ACOXL: variants seen among roughly 807,000 people sequenced by gnomAD.
The protein encoded by ACOXL is acyl-CoA oxidase like, also known as acyl-coenzyme A oxidase-like protein.
In ACOXL, 70 loss-of-function variants were observed where a neutral mutation model predicts 71.9. That is an observed-to-expected ratio of 0.97 (90% CI 0.80 to 1.19). The LOEUF (loss-of-function observed/expected upper bound fraction) is 1.19, where lower values mean the gene tolerates loss of function less well. ACOXL is among the 50% of genes most tolerant of loss of function. The pLI is 0.00. For synonymous variants in ACOXL, 253 were observed against 281.6 expected (o/e 0.90, Z 1.02); for missense variants, 703 against 736.3 (o/e 0.95, Z 0.52).
chr2:110,821,935 G>A (rs764996472), intron 9 of ACOXL, among the ~76,000 whole-genome samples: 49 of 150,564 alleles, frequency 3.3e-4, no homozygotes, highest in Admixed American at 7.3e-4. Flanking sequence ...TTCTATCATT[G>A]TGTGTGTGTG....
At chr2:110,836,090 C>T (rs1690429519) in intron 9 of ACOXL, among the ~76,000 whole-genome samples, 1 of 152,166 alleles carries the variant, frequency 6.6e-6, no homozygotes, top group African/African-American at 2.4e-5. Flanking sequence ...TTGTAGAAGA[C>T]ATCCGTGGCA....
chr2:110,896,454 G>A (rs779356020), intron 10 of ACOXL, among the ~76,000 whole-genome samples: 13 of 152,052 alleles, frequency 8.5e-5, no homozygotes, highest in African/African-American at 2.9e-4. Context: ...ATTTAAAAAC[G>A]TAACTGAACT....
chr2:111,014,107 A>G (rs1156731379), intron 14 of ACOXL, among the ~76,000 whole-genome samples: 1 of 152,218 alleles, frequency 6.6e-6, no homozygotes, highest in Non-Finnish European at 1.5e-5. Context: ...CTACAAAAGA[A>G]CCTACAGCTA....
At chr2:110,996,111 A>G in intron 14 of ACOXL, 107 bp downstream of exon 14, 2 of 894,848 alleles carry the variant, frequency 2.2e-6, no homozygotes, top group Middle Eastern at 2.7e-4. Flanking sequence ...GCCTAATGAC[A>G]AGCTCCTGGA....
At chr2:110,897,617 A>G (rs888189811) in intron 10 of ACOXL, among the ~76,000 whole-genome samples, 2 of 152,162 alleles carry the variant, frequency 1.3e-5, no homozygotes, top group South Asian at 2.1e-4. Context: ...ACCTCCCAAC[A>G]CTGTTGCATT....
At chr2:110,826,989 T>A (rs112572757) in intron 9 of ACOXL, among the ~76,000 whole-genome samples, 33 of 152,288 alleles carry the variant, frequency 2.2e-4, no homozygotes, top group African/African-American at 7.7e-4. Flanking sequence ...GAACATGGGC[T>A]TTGGCGATGG....
chr2:110,943,160 A>G (rs2060947922), intron 12 of ACOXL, among the ~76,000 whole-genome samples: 1 of 107,170 alleles, frequency 9.3e-6, no homozygotes. Context: ...GAGAAAGAAA[A>G]AGAAAAAGGG....
chr2:110,874,460 A>C (rs1340364114), intron 10 of ACOXL, among the ~76,000 whole-genome samples: 1 of 152,164 alleles, frequency 6.6e-6, no homozygotes, highest in South Asian at 2.1e-4. Context: ...GTCCCTGGGA[A>C]GCGGAATGAG....
chr2:111,063,960 AAGC>A (rs1401804605), intron 16 of ACOXL, among the ~76,000 whole-genome samples: 3 of 152,232 alleles, frequency 2.0e-5, no homozygotes, highest in African/African-American at 7.2e-5. Context: ...GACGGAAGGA[AAGC>A]AGGCAGACAA....
intron 1 of ACOXL, among the ~76,000 whole-genome samples, chr2:110,740,199 A>G (rs1349764804): frequency 6.6e-6 from 1 of 152,266 alleles, no homozygotes. Flanking sequence ...CCGATGGGAC[A>G]GAGGTATCTG....
chr2:110,781,725 G>T (rs1450445585), intron 2 of ACOXL, among the ~76,000 whole-genome samples: 20 of 152,134 alleles, frequency 1.3e-4, no homozygotes, highest in Admixed American at 1.3e-3. Context: ...GAAGGTCAGG[G>T]CTGGTTAGCC....
At chr2:111,025,642 G>C (rs75126318) in intron 14 of ACOXL, among the ~76,000 whole-genome samples, 1,778 of 152,244 alleles carry the variant, frequency 0.012, 35 homozygotes, top group African/African-American at 0.04. Context: ...CTGTCCATCT[G>C]TTAAACTGGG....
At chr2:110,990,207 T>G (rs184168735) in intron 13 of ACOXL, among the ~76,000 whole-genome samples, 46 of 152,254 alleles carry the variant, frequency 3.0e-4, no homozygotes, top group African/African-American at 1.1e-3. Context: ...CTCTCAAAGA[T>G]TTTCATCTTC....
chr2:110,830,955 C>A (rs1689759634), intron 9 of ACOXL, among the ~76,000 whole-genome samples: 1 of 152,174 alleles, frequency 6.6e-6, no homozygotes, highest in African/African-American at 2.4e-5. Context: ...TTAAAACTCT[C>A]AGATAAATAG....
At chr2:110,784,931 A>C in intron 3 of ACOXL, 116 bp downstream of exon 3, 1 of 794,884 alleles carries the variant, frequency 1.3e-6, no homozygotes, top group Non-Finnish European at 1.8e-6. Context: ...GGTGTTGGTA[A>C]AATTGCATAC....
intron 15 of ACOXL, among the ~76,000 whole-genome samples, chr2:111,033,141 T>G (rs563654236): frequency 6.6e-6 from 1 of 152,292 alleles, no homozygotes. Context: ...GCATTGGCCT[T>G]CCTGATTCTG....
intron 11 of ACOXL, among the ~76,000 whole-genome samples, chr2:110,910,848 C>T (rs541057837): frequency 3.3e-5 from 5 of 152,222 alleles, no homozygotes; most frequent in Non-Finnish European, 5.9e-5. Context: ...CAAAAACAAG[C>T]ACTTACTTAT....
rs561440431 is a variant in ACOXL, at chr2:111,089,321, A to G, written c.1441-3544A>G. 6.6e-5 allele frequency among the ~76,000 whole-genome samples: 10 copies of G among 152,254 alleles called. No homozygotes were observed. In the South Asian group the frequency reaches 2.1e-3, roughly 32 times the overall value. ...CAAAAACAAACAAACAAACAAACAA[A>G]CAAACAAATTTGGAAAAATTGATGA... On this transcript the variant is annotated intron_variant, in intron 16 of 17. Coordinates refer to ENST00000439055, the MANE Select transcript of ACOXL (RefSeq NM_001142807.4).
At chr2:111,111,973 G>T (rs775959258) in intron 17 of ACOXL, among the ~76,000 whole-genome samples, 1 of 152,112 alleles carries the variant, frequency 6.6e-6, no homozygotes, top group Non-Finnish European at 1.5e-5. Context: ...TTTAGTTGAA[G>T]AAAATTGCAG....
Sources: allele counts gnomAD v4.1 joint callset (sites outside exome capture counted in the v4.1 genomes callset), GRCh38; gene constraint gnomAD v4.1.1; transcripts MANE v1.5; gene names NCBI Gene and HGNC (gene_info 2026-07-23, HGNC 2026-07-21).